UPK1B: variants seen among roughly 807,000 people sequenced by gnomAD.
The protein encoded by UPK1B is uroplakin 1B, also known as uroplakin-1b.
Under a neutral mutation model 34.2 loss-of-function variants are expected in UPK1B, and 28 were observed. The ratio of observed to expected loss-of-function variants is 0.82; its 90% confidence interval spans 0.61 to 1.12. The LOEUF (loss-of-function observed/expected upper bound fraction) is 1.12. UPK1B is among the 50% of genes most tolerant of loss of function. UPK1B has a pLI of 0.00. For missense variants in UPK1B, 325 were observed against 320.9 expected, an observed-to-expected ratio of 1.01 and a Z score of -0.10; for synonymous variants, 81 against 110.4, an observed-to-expected ratio of 0.73 and a Z score of 1.67.
At chr3:119,198,537 AAAGAT>A (rs2078076640) in intron 6 of UPK1B, among the ~76,000 whole-genome samples, 2 of 152,266 alleles carry the variant, frequency 1.3e-5, no homozygotes, top group South Asian at 2.1e-4. Context: ...AGAATCCAGT[AAAGAT>A]ATGTTGAAAT....
In UPK1B at chr3:119,190,255, T is replaced by C. The variant is rs145863335; in HGVS notation, c.281T>C (p.Leu94Pro). The change falls in exon 4 of 8, where the codon CTG becomes CCG. Residue 94 changes from leucine to proline, a missense_variant. Physicochemically the swap from Leu to Pro is moderately conservative, Grantham distance 98. Coordinates refer to ENST00000264234, the MANE Select transcript of UPK1B (RefSeq NM_006952.4). ...TTATTTCCCTTCCAGTATTTCATTC[T>C]GATGTTTATAGTATATGCCTTTGAA... ...SRKILLAYFILMFIVYAFEVA... is the reference protein window; with the variant it reads ...SRKILLAYFIPMFIVYAFEVA... The C allele has an allele frequency of 5.6e-6, 9 of 1,605,626 alleles. No individual in the cohort carries two copies. The Admixed American group carries it at 1.5e-4, about 27-fold the overall frequency.
intron 1 of UPK1B, among the ~76,000 whole-genome samples, chr3:119,185,086 T>C (rs1486946980): frequency 2.6e-5 from 4 of 152,206 alleles, no homozygotes; most frequent in Admixed American, 6.5e-5. Context: ...AAGAAATGAA[T>C]GGCATTTCTA....
At chr3:119,194,871 T>C (rs192665576) in intron 6 of UPK1B, among the ~76,000 whole-genome samples, 314 of 152,342 alleles carry the variant, frequency 2.1e-3, no homozygotes, top group Non-Finnish European at 3.7e-3. Flanking sequence ...AAACATTAGG[T>C]TGGTGATTTG....
Position 119,187,981 on chromosome 3 carries a change from A to G in UPK1B, c.270+6A>G, listed in dbSNP as rs764989645. The G allele has an allele frequency of 6.2e-7, 1 of 1,614,054 alleles. No individual in the cohort carries two copies. The highest frequency in any genetic ancestry group is 1.1e-5 in the South Asian group (1 of 91,080). The stretch of plus-strand genomic sequence containing the variant: ...GCAGGAAAATTCTTCTGGCGGTAAG[A>G]CCTCAAAATTCTCTGGAGTTGTCTC... On this transcript the variant is annotated splice_donor_region_variant and intron_variant, in intron 3 of 7. Transcript: ENST00000264234.
chr3:119,179,808 T>C (rs1360538430), intron 1 of UPK1B, among the ~76,000 whole-genome samples: 10 of 3,144 alleles, frequency 3.2e-3, no homozygotes, highest in South Asian at 0.018. Context: ...CGCCCGGCTT[T>C]TTTTTTTTTT....
intron 6 of UPK1B, among the ~76,000 whole-genome samples, chr3:119,196,509 G>T (rs556545062): frequency 6.6e-6 from 1 of 150,724 alleles, no homozygotes; most frequent in Non-Finnish European, 1.5e-5. Flanking sequence ...GAATAAAGAA[G>T]TGAATAGTGA....
At chr3:119,181,379 T>C (rs916631926) in intron 1 of UPK1B, among the ~76,000 whole-genome samples, 2 of 152,250 alleles carry the variant, frequency 1.3e-5, no homozygotes, top group Non-Finnish European at 2.9e-5. Context: ...TTAGCTCTAG[T>C]CTGTCTCCTT....
At position 119,177,448 on chromosome 3, in the gene UPK1B, G is replaced by A. The variant is rs116724864; in HGVS notation, c.-29+3810G>A. 4.7e-3 allele frequency among the ~76,000 whole-genome samples: 717 copies of A among 152,270 alleles called. 6 individuals are homozygous for A. The highest frequency in any genetic ancestry group is 0.017 in the African/African-American group (690 of 41,546). On this transcript the variant is annotated intron_variant, in intron 1 of 7. Coordinates refer to ENST00000264234, the MANE Select transcript of UPK1B (RefSeq NM_006952.4). ...ACTCTTTTAATAACACATCATGATC[G>A]TGAACAAGTCACTTTCTCTCTGTGA...
intron 7 of UPK1B, among the ~76,000 whole-genome samples, chr3:119,202,926 C>T (rs568191464): frequency 6.6e-6 from 1 of 152,174 alleles, no homozygotes; most frequent in South Asian, 2.1e-4. Flanking sequence ...GAACTGGGAT[C>T]AGAACGTGGG....
At chr3:119,185,652 C>T (rs1002603837) in intron 1 of UPK1B, among the ~76,000 whole-genome samples, 1 of 152,184 alleles carries the variant, frequency 6.6e-6, no homozygotes, top group African/African-American at 2.4e-5. Context: ...TCCTAGAATA[C>T]AATAATCTCC....
chr3:119,197,922 G>A (rs2078073820), intron 6 of UPK1B, among the ~76,000 whole-genome samples: 1 of 152,186 alleles, frequency 6.6e-6, no homozygotes, highest in African/African-American at 2.4e-5. Flanking sequence ...GAAGATTGGG[G>A]AGGAAAGTTC....
chr3:119,179,803 G>A (rs1423660633), intron 1 of UPK1B, among the ~76,000 whole-genome samples: 5 of 111,588 alleles, frequency 4.5e-5, no homozygotes, highest in Non-Finnish European at 7.0e-5. Flanking sequence ...CACCACGCCC[G>A]GCTTTTTTTT....
At position 119,204,104 on chromosome 3, in the gene UPK1B, C is replaced by A; in HGVS notation, c.*137C>A. The A allele has an allele frequency of 2.1e-6, 2 of 954,680 alleles. No individual in the cohort carries two copies. Among genetic ancestry groups the A allele is most frequent in the East Asian group, 2.5e-5 (1 of 40,160 alleles). The allele number at this position is 954,680 out of a possible 1,614,324, so 59.1% of individuals were successfully genotyped here. A position where few individuals can be genotyped will look rare whatever the true frequency, so the allele number is the denominator to read the frequency against. ...ACATTGCCAAGTCAGATGGTACGGACTTCCTTTAGGATCTCAGGCTTCTGC... is the reference window on the plus strand; with the variant it reads ...ACATTGCCAAGTCAGATGGTACGGAATTCCTTTAGGATCTCAGGCTTCTGC... On this transcript the variant is annotated 3_prime_UTR_variant, in exon 8 of 8. Transcript: ENST00000264234.
chr3:119,194,418 A>C lies in UPK1B; in HGVS notation c.648+20A>C, dbSNP rs759760075. On this transcript the variant is annotated intron_variant, in intron 6 of 7. Transcript: ENST00000264234. ...AATCAGGTGAGTCCTCTCTCCTCCC[A>C]AGACTTCCCAGGAGGTTCTGCTGCT... 1.9e-6 allele frequency: 3 copies of C among 1,554,314 alleles called. No individual in the cohort carries two copies. In the African/African-American group the frequency reaches 4.1e-5, roughly 21 times the overall value.
chr3:119,199,193 C>T, intron 7 of UPK1B, 53 bp downstream of exon 7: 1 of 1,594,352 alleles, frequency 6.3e-7, no homozygotes, highest in Non-Finnish European at 8.6e-7. Context: ...TACGGAGAGA[C>T]CTTGAGAGTG....
chr3:119,184,100 C>T (rs145865181), intron 1 of UPK1B, among the ~76,000 whole-genome samples: 152 of 152,302 alleles, frequency 1.0e-3, no homozygotes, highest in Non-Finnish European at 1.8e-3. Context: ...TCTTTTTGCT[C>T]AGAGCAAGTT....
chr3:119,197,530 A>AT (rs1011998156), intron 6 of UPK1B, among the ~76,000 whole-genome samples: 3 of 152,196 alleles, frequency 2.0e-5, no homozygotes, highest in African/African-American at 7.2e-5. Flanking sequence ...GGAGTAGCAG[A>AT]TATGGGAGTG....
intron 1 of UPK1B, among the ~76,000 whole-genome samples, chr3:119,181,319 T>A (rs141381129): frequency 6.6e-5 from 10 of 152,100 alleles, no homozygotes; most frequent in African/African-American, 2.2e-4. Flanking sequence ...ATCAAAAAAA[T>A]AATAATAATA....
rs183181235 is a variant in UPK1B at position 119,174,074 on chromosome 3, T to G, written c.-29+436T>G. 1.5e-3 allele frequency among the ~76,000 whole-genome samples: 235 copies of G among 152,338 alleles called. 2 individuals are homozygous for G. The highest frequency in any genetic ancestry group is 6.8e-3 in the Middle Eastern group (2 of 294). On this transcript the variant is annotated intron_variant, in intron 1 of 7. Transcript: ENST00000264234. ...TAACGAAATAGCTCGTGTTATTTCT[T>G]AATAATCTGTTCAGGCTAGCAGAGA...
Sources: gnomAD v4.1 joint callset for allele counts (sites outside exome capture counted in the v4.1 genomes callset) on GRCh38, gnomAD v4.1.1 for gene constraint, MANE v1.5 for transcripts, NCBI Gene and HGNC (gene_info 2026-07-23, HGNC 2026-07-21) for gene names.